GRM5: variants seen among roughly 807,000 people sequenced by gnomAD.
The protein encoded by GRM5 is metabotropic glutamate receptor 5.
Under a neutral mutation model 83.1 loss-of-function variants are expected in GRM5, and 19 were observed. The ratio of observed to expected loss-of-function variants is 0.23; its 90% confidence interval spans 0.16 to 0.34. GRM5 has a LOEUF of 0.34. Among genes scored for constraint, GRM5 ranks in the 10% least tolerant of loss-of-function variants. The pLI is 1.00. For synonymous variants in GRM5, 675 were observed against 633.6 expected, an observed-to-expected ratio of 1.07 and a Z score of -0.98; for missense variants, 1,160 against 1,588.3, an observed-to-expected ratio of 0.73 and a Z score of 4.58.
At chr11:88,870,806 T>C (rs1300150058) in intron 2 of GRM5, among the ~76,000 whole-genome samples, 1 of 151,260 alleles carries the variant, frequency 6.6e-6, no homozygotes, top group African/African-American at 2.4e-5. Context: ...AAATGAGAGG[T>C]AAAGCCAAGA....
rs375051761 is a variant in GRM5 at position 88,821,344 on chromosome 11, C to CAA, written c.911+28560_911+28561dup. ...ATCTTTGAACACTTGCTTGAGGGGC[C>CAA]AAAAAAAAAAAAAAAAAAGAAAAAA... On this transcript the variant is annotated intron_variant, in intron 3 of 9. Transcript: ENST00000305447. Among the ~76,000 whole-genome samples the CAA allele has an allele frequency of 5.4e-3, 368 of 68,058 alleles. 4 individuals are homozygous for CAA. The highest frequency in any genetic ancestry group is 0.014 in the African/African-American group (322 of 22,592). The allele number at this position is 68,058 out of a possible 152,430, so 44.6% of individuals were successfully genotyped here. A position where few individuals can be genotyped will look rare whatever the true frequency, so the allele number is the denominator to read the frequency against.
At chr11:88,955,386 C>A (rs923855791) in intron 2 of GRM5, among the ~76,000 whole-genome samples, 2 of 152,116 alleles carry the variant, frequency 1.3e-5, no homozygotes, top group South Asian at 2.1e-4. Flanking sequence ...ATGATGATTA[C>A]GTATGCCTTA....
intron 2 of GRM5, among the ~76,000 whole-genome samples, chr11:88,923,696 A>G (rs1338606932): frequency 2.0e-5 from 3 of 152,072 alleles, no homozygotes; most frequent in Non-Finnish European, 4.4e-5. Flanking sequence ...CAAAAAGAGT[A>G]TAGTTGGAAT....
chr11:88,789,464 A>T (rs1373523215), intron 3 of GRM5, among the ~76,000 whole-genome samples: 1 of 152,232 alleles, frequency 6.6e-6, no homozygotes, highest in Non-Finnish European at 1.5e-5. Context: ...CTGCTAATAT[A>T]TAATGATTTT....
intron 2 of GRM5, among the ~76,000 whole-genome samples, chr11:88,925,108 T>C (rs1340949695): frequency 6.6e-6 from 1 of 151,968 alleles, no homozygotes; most frequent in African/African-American, 2.4e-5. Flanking sequence ...CATAGATAGA[T>C]ACCAAAGCAA....
At chr11:88,677,445 A>G (rs922669304) in intron 3 of GRM5, among the ~76,000 whole-genome samples, 3 of 152,242 alleles carry the variant, frequency 2.0e-5, no homozygotes, top group African/African-American at 7.2e-5. Context: ...ATTGTGGGAC[A>G]CAGATATTCT....
intron 4 of GRM5, among the ~76,000 whole-genome samples, chr11:88,622,384 A>G (rs998012685): frequency 1.9e-4 from 29 of 152,242 alleles, no homozygotes; most frequent in Non-Finnish European, 5.9e-5. Context: ...TCTTTCAACT[A>G]TGCTATCTGC....
In GRM5 at chr11:88,508,985, G is replaced by T. The variant is rs1290464463; in HGVS notation, c.3246C>A (p.Thr1082=). 2 of 1,581,914 alleles carry T rather than the reference G, an allele frequency of 1.3e-6. No homozygotes were observed. Among genetic ancestry groups the T allele is most frequent in the Non-Finnish European group, 1.7e-6 (2 of 1,163,734 alleles). The change falls in exon 10 of 10, where the codon ACC becomes ACA. Residue 1082 remains threonine, a synonymous_variant. Coordinates refer to ENST00000305447, the MANE Select transcript of GRM5 (RefSeq NM_001143831.3). The surrounding 1 kb of genome is among the most constrained non-coding windows in gnomAD (Gnocchi z 4.2). ...ISELNSMMLS[T]AAPSPGVGAP... The stretch of plus-strand genomic sequence containing the variant: ...CGCCGACGCCGGGGCTGGGGGCCGC[G>T]GTGGACAGCATCATGGAGTTGAGCT...
intron 3 of GRM5, among the ~76,000 whole-genome samples, chr11:88,664,587 C>T (rs544314596): frequency 3.6e-4 from 55 of 152,114 alleles, no homozygotes; most frequent in Non-Finnish European, 6.3e-4. Context: ...GCAGGGACTA[C>T]GGGTGTGCAC....
chr11:88,599,804 G>A (rs1937925330), intron 5 of GRM5, among the ~76,000 whole-genome samples: 4 of 152,240 alleles, frequency 2.6e-5, no homozygotes, highest in South Asian at 2.1e-4. Context: ...ATGAGGTCAG[G>A]AGATCGAGAC....
intron 2 of GRM5, among the ~76,000 whole-genome samples, chr11:89,012,021 C>T (rs1463932852): frequency 6.6e-6 from 1 of 150,850 alleles, no homozygotes; most frequent in Non-Finnish European, 1.5e-5. Flanking sequence ...ATTCTGATAG[C>T]AATAATGCAT....
chr11:88,614,586 T>C (rs182125441), intron 4 of GRM5, among the ~76,000 whole-genome samples: 92 of 152,272 alleles, frequency 6.0e-4, no homozygotes, highest in Non-Finnish European at 1.1e-3. Context: ...GCCTTTTTAA[T>C]TTGTAAATTA....
intron 2 of GRM5, among the ~76,000 whole-genome samples, chr11:88,970,649 G>A (rs1939139012): frequency 2.6e-5 from 4 of 152,188 alleles, no homozygotes; most frequent in Non-Finnish European, 4.4e-5. Flanking sequence ...AGAACAGCAT[G>A]TCAGGGCCCA....
In GRM5 at chr11:88,675,412, T is replaced by C. The variant is rs367903240; in HGVS notation, c.912-22009A>G. On this transcript the variant is annotated intron_variant, in intron 3 of 9. Transcript: ENST00000305447. ...AAGAAAGAGAAAGATATGTCGGCAA[T>C]TTAAATGAGTAAGGATCTTTGGAGG... Among the ~76,000 whole-genome samples, 5 of 152,040 alleles carry C rather than the reference T, an allele frequency of 3.3e-5. No homozygotes were observed. In the East Asian group the frequency reaches 9.7e-4, roughly 29 times the overall value.
intron 3 of GRM5, among the ~76,000 whole-genome samples, chr11:88,774,320 A>T (rs1344884033): frequency 6.6e-6 from 1 of 152,202 alleles, no homozygotes; most frequent in African/African-American, 2.4e-5. Flanking sequence ...ACTTTGCTGA[A>T]GTTGCTTATC....
intron 3 of GRM5, among the ~76,000 whole-genome samples, chr11:88,759,089 T>A (rs1010816246): frequency 6.6e-6 from 1 of 152,060 alleles, no homozygotes; most frequent in Admixed American, 6.6e-5. Flanking sequence ...AAGAACTAAA[T>A]ATAGAACGGA....
chr11:88,641,683 C>A (rs1263785609), intron 4 of GRM5, among the ~76,000 whole-genome samples: 1 of 152,108 alleles, frequency 6.6e-6, no homozygotes, highest in Non-Finnish European at 1.5e-5. Flanking sequence ...AGTTTGAAAC[C>A]CAGTAGGGGA....
rs552775560 is a variant in GRM5, at chr11:88,822,648, T to C, written c.911+27258A>G. ...GGCAGCACACAGGGCTGGAATACAATTATCTTCTTAAGAATATTGACTCTT... is the reference window on the plus strand; with the variant it reads ...GGCAGCACACAGGGCTGGAATACAACTATCTTCTTAAGAATATTGACTCTT... On this transcript the variant is annotated intron_variant, in intron 3 of 9. Coordinates refer to ENST00000305447, the MANE Select transcript of GRM5 (RefSeq NM_001143831.3). Among the ~76,000 whole-genome samples the C allele has an allele frequency of 2.0e-5, 3 of 152,258 alleles. No homozygotes were observed. The South Asian group carries it at 6.2e-4, about 32-fold the overall frequency.
intron 3 of GRM5, among the ~76,000 whole-genome samples, chr11:88,666,517 G>A (rs1365762373): frequency 6.6e-6 from 1 of 152,162 alleles, no homozygotes; most frequent in Non-Finnish European, 1.5e-5. Context: ...CCATTGATGA[G>A]GGATCTGCCC....
Sources: allele counts gnomAD v4.1 joint callset (sites outside exome capture counted in the v4.1 genomes callset), GRCh38; gene constraint gnomAD v4.1.1; non-coding constraint Gnocchi (gnomAD v3.1); transcripts MANE v1.5; gene names NCBI Gene and HGNC (gene_info 2026-07-23, HGNC 2026-07-21).